UBE2Q2: variants seen among roughly 807,000 people sequenced by gnomAD.
UBE2Q2 encodes the protein ubiquitin conjugating enzyme E2 Q2.
UBE2Q2 carries 54 observed loss-of-function variants against 59.9 expected under a neutral mutation model. The ratio of observed to expected loss-of-function variants is 0.90; its 90% CI spans 0.72 to 1.13. UBE2Q2 has a LOEUF of 1.13. Among genes scored for constraint, UBE2Q2 ranks in the 50% most tolerant of loss-of-function variants. The probability of loss-of-function intolerance (pLI) is 0.00; values close to 1 mark genes in which losing one functional copy is unlikely to be tolerated. For synonymous variants in UBE2Q2, 165 were observed against 155.2 expected, an observed-to-expected ratio of 1.06 and a Z score of -0.47; for missense variants, 433 against 441.9, an observed-to-expected ratio of 0.98 and a Z score of 0.18.
intron 3 of UBE2Q2, among the ~76,000 whole-genome samples, chr15:75,860,659 A>G (rs1036407782): frequency 7.2e-5 from 11 of 152,100 alleles, no homozygotes; most frequent in Admixed American, 2.0e-4. Context: ...CTTCCTCATA[A>G]TAGTAATTTT....
At chr15:75,855,965 G>C (rs1230337897) in intron 2 of UBE2Q2, among the ~76,000 whole-genome samples, 1 of 152,028 alleles carries the variant, frequency 6.6e-6, no homozygotes, top group Non-Finnish European at 1.5e-5. Context: ...AAGCAGGCAG[G>C]TTGCTTGAGC....
At chr15:75,893,186 A>G (rs1899201942) in intron 11 of UBE2Q2, among the ~76,000 whole-genome samples, 1 of 152,250 alleles carries the variant, frequency 6.6e-6, no homozygotes, top group African/African-American at 2.4e-5. Flanking sequence ...TACCAGTTAG[A>G]TTGAATTAAT....
chr15:75,876,736 C>G (rs184779306), intron 6 of UBE2Q2, among the ~76,000 whole-genome samples: 28 of 152,112 alleles, frequency 1.8e-4, no homozygotes, highest in Admixed American at 1.7e-3. Context: ...TTTTCATTTC[C>G]TTGTTTGACG....
chr15:75,855,346 C>CTGGGCA (rs1053160151), intron 2 of UBE2Q2, among the ~76,000 whole-genome samples: 32 of 152,066 alleles, frequency 2.1e-4, no homozygotes, highest in African/African-American at 7.5e-4. Context: ...TAAAAATTAA[C>CTGGGCA]TGGGCATGGT....
At chr15:75,885,145 C>T (rs1013162779) in intron 9 of UBE2Q2, among the ~76,000 whole-genome samples, 4 of 151,690 alleles carry the variant, frequency 2.6e-5, no homozygotes, top group East Asian at 1.9e-4. Flanking sequence ...TTTTTTGAGA[C>T]GGGGTCTCAC....
At position 75,895,833 on chromosome 15, in the gene UBE2Q2, A is replaced by G. The variant is rs1399555468; in HGVS notation, c.1030-1162A>G. 5.3e-5 allele frequency among the ~76,000 whole-genome samples: 8 copies of G among 152,302 alleles called. No homozygotes were observed. In the East Asian group the frequency reaches 1.5e-3, roughly 29 times the overall value. On this transcript the variant is annotated intron_variant, in intron 11 of 12. Coordinates refer to ENST00000267938, the MANE Select transcript of UBE2Q2 (RefSeq NM_173469.4). ...GTAGAGGGCAATTTAGCAATATCTC[A>G]GAATTACACATATATATCTTTTGAC...
intron 9 of UBE2Q2, among the ~76,000 whole-genome samples, chr15:75,884,994 T>G (rs893065476): frequency 6.6e-6 from 1 of 152,230 alleles, no homozygotes; most frequent in African/African-American, 2.4e-5. Flanking sequence ...TGTCCTTTTT[T>G]GTTTTTAAAT....
chr15:75,844,634 A>G, intron 1 of UBE2Q2: 1 of 843,740 alleles, frequency 1.2e-6, no homozygotes, highest in Non-Finnish European at 1.8e-6. Context: ...CTCACTCATT[A>G]AGCGGAAATC....
chr15:75,874,472 C>T (rs1221328739), intron 5 of UBE2Q2, among the ~76,000 whole-genome samples: 3 of 151,680 alleles, frequency 2.0e-5, no homozygotes, highest in African/African-American at 7.3e-5. Flanking sequence ...TTAGTAGAGA[C>T]AGGGTTTCAC....
At chr15:75,884,030 G>A (rs1898613037) in intron 9 of UBE2Q2, among the ~76,000 whole-genome samples, 1 of 152,204 alleles carries the variant, frequency 6.6e-6, no homozygotes, top group Non-Finnish European at 1.5e-5. Context: ...TGGACCTATG[G>A]AACTGGCTAA....
At chr15:75,890,517 C>T (rs1385938190) in intron 10 of UBE2Q2, 34 bp downstream of exon 10, 2 of 1,587,068 alleles carry the variant, frequency 1.3e-6, no homozygotes, top group African/African-American at 1.4e-5. Flanking sequence ...TTTTCACCCA[C>T]AATTTAGTGT....
chr15:75,874,538 C>T (rs1897968942), intron 5 of UBE2Q2, among the ~76,000 whole-genome samples: 1 of 152,134 alleles, frequency 6.6e-6, no homozygotes, highest in Non-Finnish European at 1.5e-5. Flanking sequence ...CCTGCCTTGG[C>T]CTCCCGAAGT....
chr15:75,894,965 T>G (rs910477525), intron 11 of UBE2Q2: 1 of 151,916 alleles, frequency 6.6e-6, no homozygotes, highest in African/African-American at 2.4e-5. Flanking sequence ...GGTGGGCGGA[T>G]CACAAGGTCA....
At chr15:75,858,366 C>T (rs888838571) in intron 2 of UBE2Q2, among the ~76,000 whole-genome samples, 1 of 152,100 alleles carries the variant, frequency 6.6e-6, no homozygotes, top group African/African-American at 2.4e-5. Context: ...TGTTTTTTCT[C>T]AGTAATTCTT....
intron 8 of UBE2Q2, 24 bp downstream of exon 8, chr15:75,879,212 CAT>C (rs1567035143): frequency 2.1e-6 from 3 of 1,417,744 alleles, no homozygotes; most frequent in Non-Finnish European, 2.9e-6. Context: ...TACAGGACCC[CAT>C]ATACTTCCAG....
intron 9 of UBE2Q2, among the ~76,000 whole-genome samples, chr15:75,883,774 T>C (rs922475216): frequency 2.0e-5 from 3 of 152,274 alleles, no homozygotes; most frequent in African/African-American, 7.2e-5. Context: ...GAACCATTAG[T>C]TGTAAAGCAT....
chr15:75,890,704 T>G (rs898362731), intron 10 of UBE2Q2, among the ~76,000 whole-genome samples: 4 of 152,236 alleles, frequency 2.6e-5, no homozygotes, highest in Non-Finnish European at 1.5e-5. Context: ...GACCTTTATT[T>G]AAGGTTCTAA....
chr15:75,887,214 C>T (rs1215803863), intron 9 of UBE2Q2, among the ~76,000 whole-genome samples: 2 of 152,094 alleles, frequency 1.3e-5, no homozygotes, highest in African/African-American at 2.4e-5. Flanking sequence ...GTACTAAGTA[C>T]TCCATTGATT....
chr15:75,899,486 A>C lies in UBE2Q2; in HGVS notation c.*28A>C. ...GTGTTGACTGTTGTATGTTTGGACT[A>C]ATGTTGCTTTAAAGAAAATCTTTCT... On this transcript the variant is annotated 3_prime_UTR_variant, in exon 13 of 13. Coordinates refer to ENST00000267938, the MANE Select transcript of UBE2Q2 (RefSeq NM_173469.4). 1 of 1,585,134 alleles carries C rather than the reference A, an allele frequency of 6.3e-7. No individual in the cohort carries two copies. The highest frequency in any genetic ancestry group is 8.6e-7 in the Non-Finnish European group (1 of 1,164,144).
Sources: allele counts gnomAD v4.1 joint callset (sites outside exome capture counted in the v4.1 genomes callset), GRCh38; gene constraint gnomAD v4.1.1; transcripts MANE v1.5; gene names NCBI Gene and HGNC (gene_info 2026-07-23, HGNC 2026-07-21).